Variants in PRSS3 observed in about 807,000 individuals in gnomAD.
PRSS3 encodes the protein serine protease 3.
In PRSS3, 14 loss-of-function variants were observed where a neutral mutation model predicts 20.8. That is an observed-to-expected ratio of 0.67 (90% CI 0.44 to 1.05). The LOEUF is 1.05. Among genes scored for constraint, PRSS3 ranks in the 50% least tolerant of loss-of-function variants. PRSS3 has a pLI of 0.00. For synonymous variants in PRSS3, 91 were observed against 117.6 expected (o/e 0.77, Z 1.46); for missense variants, 237 against 306.4 (o/e 0.77, Z 1.69).
intron 1 of PRSS3, among the ~76,000 whole-genome samples, chr9:33,789,166 G>A (rs1265462676): frequency 1.3e-5 from 2 of 152,140 alleles, no homozygotes; most frequent in Non-Finnish European, 2.9e-5. Flanking sequence ...GTAGTCTGCT[G>A]GCTCTCACTC....
chr9:33,754,176 G>T (rs1015277169), intron 1 of PRSS3, among the ~76,000 whole-genome samples: 7 of 151,912 alleles, frequency 4.6e-5, no homozygotes, highest in Admixed American at 4.6e-4. Context: ...GGGTTCAAGT[G>T]ATTCTCTTGC....
chr9:33,763,643 G>A (rs1397151150), intron 1 of PRSS3, among the ~76,000 whole-genome samples: 1 of 147,596 alleles, frequency 6.8e-6, no homozygotes, highest in Non-Finnish European at 1.5e-5. Context: ...AGCTTGCAGT[G>A]AGCAGAAATC....
At chr9:33,796,441 G>C (rs371385056) in intron 1 of PRSS3, among the ~76,000 whole-genome samples, 1 of 152,238 alleles carries the variant, frequency 6.6e-6, no homozygotes, top group African/African-American at 2.4e-5. Context: ...GCCCCTGCAG[G>C]GTACCTAGCT....
At chr9:33,752,229 G>T (rs1263260590) in intron 1 of PRSS3, among the ~76,000 whole-genome samples, 1 of 152,142 alleles carries the variant, frequency 6.6e-6, no homozygotes, top group South Asian at 2.1e-4. Context: ...TGTGATGGCC[G>T]AGGCGAAGTT....
intron 1 of PRSS3, among the ~76,000 whole-genome samples, chr9:33,771,873 CT>C (rs74178902): frequency 0.054 from 6,861 of 128,230 alleles, 506 homozygotes; most frequent in African/African-American, 0.18. Flanking sequence ...TCTTTCTTTT[CT>C]TTTTTTTTTT....
At chr9:33,794,720 G>A, upstream of PRSS3, 1 of 1,533,854 alleles carries the variant, frequency 6.5e-7, no homozygotes, top group Non-Finnish European at 8.8e-7. Flanking sequence ...GAGCAGGTGA[G>A]TCAGTTTGCA....
intron 1 of PRSS3, among the ~76,000 whole-genome samples, chr9:33,764,402 A>T (rs1765398): frequency 2.0e-5 from 3 of 152,066 alleles, no homozygotes; most frequent in African/African-American, 7.3e-5. Context: ...GTGTGGTGGC[A>T]CATTCCTGTA....
intron 1 of PRSS3, among the ~76,000 whole-genome samples, chr9:33,769,762 G>C (rs1180576396): frequency 6.6e-6 from 1 of 152,232 alleles, no homozygotes; most frequent in African/African-American, 2.4e-5. Context: ...CCAGGACCAA[G>C]GGGTGGGGCC....
chr9:33,784,103 C>A (rs1446942606), intron 1 of PRSS3, among the ~76,000 whole-genome samples: 1 of 151,950 alleles, frequency 6.6e-6, no homozygotes, highest in Non-Finnish European at 1.5e-5. Flanking sequence ...AGTTTAGTAT[C>A]CATAACATTC....
chr9:33,751,299 G>A (rs2118683054), intron 1 of PRSS3, among the ~76,000 whole-genome samples: 1 of 152,300 alleles, frequency 6.6e-6, no homozygotes, highest in East Asian at 1.9e-4. Context: ...CAGGAAGCCT[G>A]GAATCTAATA....
chr9:33,786,326 C>T (rs553720622), intron 1 of PRSS3: 176 of 582,708 alleles, frequency 3.0e-4, no homozygotes, highest in African/African-American at 3.0e-3. Flanking sequence ...ACTTCCTCTC[C>T]GGAGAGTCTG....
intron 1 of PRSS3, among the ~76,000 whole-genome samples, chr9:33,758,350 C>G (rs1264829022): frequency 6.6e-6 from 1 of 152,242 alleles, no homozygotes; most frequent in Non-Finnish European, 1.5e-5. Context: ...AGCTCCTGCT[C>G]TGGTCTCACT....
chr9:33,765,844 C>T (rs900374835), intron 1 of PRSS3, among the ~76,000 whole-genome samples: 2 of 152,150 alleles, frequency 1.3e-5, no homozygotes, highest in Admixed American at 6.5e-5. Flanking sequence ...GAAATGAAAA[C>T]ATCTATACAC....
At chr9:33,790,495 G>A (rs1212613313) in intron 1 of PRSS3, among the ~76,000 whole-genome samples, 1 of 152,160 alleles carries the variant, frequency 6.6e-6, no homozygotes, top group Non-Finnish European at 1.5e-5. Flanking sequence ...AACCATGAAA[G>A]CCCTCCTAAC....
chr9:33,787,823 G>T (rs1027436552), intron 1 of PRSS3, among the ~76,000 whole-genome samples: 3 of 152,182 alleles, frequency 2.0e-5, no homozygotes, highest in African/African-American at 7.2e-5. Flanking sequence ...CTACACTTTT[G>T]TTGCTTTCCA....
chr9:33,783,806 C>T lies in PRSS3; in HGVS notation c.-52-10940C>T, dbSNP rs190690679. On this transcript the variant is annotated intron_variant, in intron 1 of 5. Transcript: ENST00000342836. ...TTGGGAGGCTGAGGCAGGAGAATGGCGTGAATCCAGGAGGCGGAGCTTGCA... is the reference window on the plus strand; with the variant it reads ...TTGGGAGGCTGAGGCAGGAGAATGGTGTGAATCCAGGAGGCGGAGCTTGCA... Among the ~76,000 whole-genome samples the T allele has an allele frequency of 3.8e-3, 561 of 149,402 alleles. 1 individual carries two copies. The highest frequency in any genetic ancestry group is 6.8e-3 in the Middle Eastern group (2 of 292).
rs1822652525 is a variant in PRSS3 at position 33,750,788 on chromosome 9, C to T, written c.-53+61C>T. On this transcript the variant is annotated intron_variant, in intron 1 of 5. Coordinates refer to the PRSS3 transcript ENST00000342836. The surrounding 1 kb of genome is among the most constrained non-coding windows in gnomAD (Gnocchi z 4.8). ...GAGGAGGGCTCGAAGGGAGAGGGAGCCCCGCCAAGGAGCGGGGCTGTGATG... is the reference window on the plus strand; with the variant it reads ...GAGGAGGGCTCGAAGGGAGAGGGAGTCCCGCCAAGGAGCGGGGCTGTGATG... The T allele has an allele frequency of 7.1e-7, 1 of 1,410,898 alleles. No homozygotes were observed. Among genetic ancestry groups the T allele is most frequent in the Non-Finnish European group, 9.2e-7 (1 of 1,087,820 alleles). The allele number at this position is 1,410,898 out of a possible 1,614,324, so 87.4% of individuals were successfully genotyped here.
intron 1 of PRSS3, among the ~76,000 whole-genome samples, chr9:33,778,401 G>A (rs6476424): frequency 0.72 from 109,530 of 151,966 alleles, 39,548 homozygotes; most frequent in East Asian, 0.81. Flanking sequence ...GAAGATCAAA[G>A]GATAAGGAAA....
intron 1 of PRSS3, chr9:33,786,483 T>C: frequency 1.4e-6 from 1 of 733,276 alleles, no homozygotes; most frequent in Non-Finnish European, 2.5e-6. Context: ...CTTTCCCGTC[T>C]GACCCCAAGC....
Sources: allele counts gnomAD v4.1 joint callset (sites outside exome capture counted in the v4.1 genomes callset), GRCh38; gene constraint gnomAD v4.1.1; non-coding constraint Gnocchi (gnomAD v3.1); transcripts MANE v1.5; gene names NCBI Gene and HGNC (gene_info 2026-07-23, HGNC 2026-07-21).